Variants in ROBO2 observed in about 807,000 individuals in gnomAD.
The protein encoded by ROBO2 is roundabout guidance receptor 2, also known as roundabout homolog 2.
In ROBO2, 53 loss-of-function variants were observed where a neutral mutation model predicts 160.8. The ratio of observed to expected loss-of-function variants is 0.33; its 90% CI spans 0.26 to 0.41. The LOEUF (loss-of-function observed/expected upper bound fraction) is 0.41, where lower values mean the gene tolerates loss of function less well. Ranked by LOEUF, ROBO2 falls within the 10% of genes least tolerant of loss-of-function variation. ROBO2 has a pLI of 1.00. For missense variants in ROBO2, 1,577 were observed against 1,722.4 expected (o/e 0.92, Z 1.49); for synonymous variants, 664 against 611.7 (o/e 1.09, Z -1.26).
chr3:77,162,003 G>T (rs1320561220), intron 2 of ROBO2, among the ~76,000 whole-genome samples: 2 of 152,014 alleles, frequency 1.3e-5, no homozygotes, highest in African/African-American at 2.4e-5. Flanking sequence ...GTGTTAAAAA[G>T]TCATCTTTTT....
chr3:77,464,407 C>T (rs1485644501), intron 2 of ROBO2, among the ~76,000 whole-genome samples: 1 of 151,934 alleles, frequency 6.6e-6, no homozygotes, highest in African/African-American at 2.4e-5. Flanking sequence ...TGTGTTTAGG[C>T]CCTAAAAAAA....
At chr3:76,658,973 G>A (rs1396520151) in intron 2 of ROBO2, among the ~76,000 whole-genome samples, 1 of 152,048 alleles carries the variant, frequency 6.6e-6, no homozygotes, top group African/African-American at 2.4e-5. Flanking sequence ...ATGACGGTAT[G>A]AATTTCCCTA....
chr3:76,739,129 G>GGTATATACCCA (rs1453250735), intron 2 of ROBO2, among the ~76,000 whole-genome samples: 1 of 151,962 alleles, frequency 6.6e-6, no homozygotes, highest in East Asian at 1.9e-4. Flanking sequence ...CTCATTACTG[G>GGTATATACCCA]GTATATACCC....
intron 2 of ROBO2, among the ~76,000 whole-genome samples, chr3:77,402,374 G>A (rs926070292): frequency 6.6e-6 from 1 of 152,026 alleles, no homozygotes; most frequent in Admixed American, 6.6e-5. Context: ...AATGGCACGT[G>A]TATACCTATG....
chr3:76,862,804 T>TA (rs1267590955), intron 2 of ROBO2, among the ~76,000 whole-genome samples: 1 of 152,108 alleles, frequency 6.6e-6, no homozygotes, highest in African/African-American at 2.4e-5. Context: ...CAATATAGAT[T>TA]AAAAACAATA....
intron 2 of ROBO2, among the ~76,000 whole-genome samples, chr3:75,978,554 T>C (rs982487448): frequency 6.6e-6 from 1 of 151,542 alleles, no homozygotes; most frequent in African/African-American, 2.4e-5. Flanking sequence ...ATAAAAAAGC[T>C]GTCTGAAAAT....
At chr3:76,902,758 A>T (rs1044358978) in intron 2 of ROBO2, among the ~76,000 whole-genome samples, 1 of 151,934 alleles carries the variant, frequency 6.6e-6, no homozygotes, top group African/African-American at 2.4e-5. Context: ...TTAATTGTAG[A>T]ATTTTATAAA....
At chr3:76,857,778 A>G (rs2070292644) in intron 2 of ROBO2, among the ~76,000 whole-genome samples, 1 of 152,178 alleles carries the variant, frequency 6.6e-6, no homozygotes, top group African/African-American at 2.4e-5. Context: ...AAATATTTTA[A>G]CAGCTTCTCA....
chr3:76,327,737 A>G (rs2073141877), intron 2 of ROBO2, among the ~76,000 whole-genome samples: 1 of 152,226 alleles, frequency 6.6e-6, no homozygotes. Flanking sequence ...AAAGTAGGCA[A>G]ATTCACATTT....
At chr3:75,951,829 GA>G (rs1281783696) in intron 2 of ROBO2, among the ~76,000 whole-genome samples, 1 of 151,644 alleles carries the variant, frequency 6.6e-6, no homozygotes, top group Non-Finnish European at 1.5e-5. Context: ...ATCTTTTTTT[GA>G]ACAAATTTTT....
At chr3:77,181,038 A>G (rs1294825193) in intron 2 of ROBO2, among the ~76,000 whole-genome samples, 4 of 152,134 alleles carry the variant, frequency 2.6e-5, no homozygotes, top group Non-Finnish European at 4.4e-5. Flanking sequence ...TACAAATTCA[A>G]GTAATCCCCT....
chr3:76,792,710 A>G (rs1300233837), intron 2 of ROBO2, among the ~76,000 whole-genome samples: 1 of 151,696 alleles, frequency 6.6e-6, no homozygotes, highest in African/African-American at 2.4e-5. Context: ...GGTTTACTTA[A>G]AGACAAAAAG....
intron 6 of ROBO2, among the ~76,000 whole-genome samples, chr3:77,540,878 C>A (rs930112301): frequency 3.9e-5 from 6 of 152,088 alleles, no homozygotes; most frequent in African/African-American, 9.7e-5. Flanking sequence ...TTAACACAAA[C>A]CCTAGCACAT....
At chr3:77,168,312 A>G (rs2079293791) in intron 2 of ROBO2, among the ~76,000 whole-genome samples, 1 of 152,214 alleles carries the variant, frequency 6.6e-6, no homozygotes, top group African/African-American at 2.4e-5. Flanking sequence ...TGTTATTAAG[A>G]AAACCTCATG....
intron 2 of ROBO2, among the ~76,000 whole-genome samples, chr3:76,341,518 AG>A (rs1310030412): frequency 1.3e-5 from 2 of 151,698 alleles, no homozygotes; most frequent in East Asian, 1.9e-4. Context: ...AAAAAAAAAA[AG>A]ATGTGTTGAT....
chr3:77,056,406 A>G (rs1404870470), intron 1 of ROBO2, among the ~76,000 whole-genome samples: 1 of 152,176 alleles, frequency 6.6e-6, no homozygotes, highest in Non-Finnish European at 1.5e-5. Flanking sequence ...AATGACATAT[A>G]TTAGTAACTG....
At chr3:77,219,443 T>A (rs1198508098) in intron 2 of ROBO2, among the ~76,000 whole-genome samples, 8 of 129,898 alleles carry the variant, frequency 6.2e-5, no homozygotes, top group Non-Finnish European at 1.3e-4. Flanking sequence ...TGTATATATA[T>A]ATATATATAT....
At chr3:77,067,282 A>G (rs966474491) in intron 1 of ROBO2, among the ~76,000 whole-genome samples, 1 of 152,180 alleles carries the variant, frequency 6.6e-6, no homozygotes, top group African/African-American at 2.4e-5. Flanking sequence ...ATAGTGAGTG[A>G]GCACTAGTCT....
intron 6 of ROBO2, among the ~76,000 whole-genome samples, chr3:77,530,542 T>C (rs1295724975): frequency 2.0e-5 from 3 of 152,002 alleles, no homozygotes; most frequent in Non-Finnish European, 4.4e-5. Context: ...GAGGATGCTC[T>C]AGTGTGGGAG....
Sources: gnomAD v4.1 joint callset for allele counts (sites outside exome capture counted in the v4.1 genomes callset) on GRCh38, gnomAD v4.1.1 for gene constraint, MANE v1.5 for transcripts, NCBI Gene and HGNC (gene_info 2026-07-23, HGNC 2026-07-21) for gene names.